Variants in TRAK1 observed in about 807,000 individuals in gnomAD.
The protein encoded by TRAK1 is trafficking kinesin-binding protein 1.
A neutral mutation model predicts 92.1 loss-of-function variants in TRAK1; 33 were observed. That is an observed-to-expected ratio of 0.36 (90% CI 0.27 to 0.48). The LOEUF is 0.48. Ranked by LOEUF, TRAK1 falls within the 20% of genes least tolerant of loss-of-function variation. The pLI is 0.99. For synonymous variants in TRAK1, 521 were observed against 517.3 expected, an observed-to-expected ratio of 1.01 and a Z score of -0.10; for missense variants, 1,123 against 1,257.9, an observed-to-expected ratio of 0.89 and a Z score of 1.62.
intron 1 of TRAK1, among the ~76,000 whole-genome samples, chr3:42,120,564 G>A (rs534511361): frequency 2.0e-5 from 3 of 151,786 alleles, no homozygotes; most frequent in Non-Finnish European, 4.4e-5. Flanking sequence ...TTTTGTTTGA[G>A]ATGGAGTCTC....
chr3:42,204,438 A>C (rs1708086268), intron 13 of TRAK1, among the ~76,000 whole-genome samples: 1 of 152,216 alleles, frequency 6.6e-6, no homozygotes, highest in Non-Finnish European at 1.5e-5. Flanking sequence ...TAGCAAGGTG[A>C]ATTTCATCTA....
chr3:42,142,813 T>A (rs1698836121), intron 2 of TRAK1, among the ~76,000 whole-genome samples: 1 of 152,236 alleles, frequency 6.6e-6, no homozygotes, highest in Non-Finnish European at 1.5e-5. Context: ...ACTCACCTTG[T>A]CTCTTCTAAC....
chr3:42,145,022 A>C (rs988439151), intron 2 of TRAK1, among the ~76,000 whole-genome samples: 1 of 152,236 alleles, frequency 6.6e-6, no homozygotes, highest in South Asian at 2.1e-4. Context: ...TTATACAAGT[A>C]ATACATGCGG....
intron 1 of TRAK1, among the ~76,000 whole-genome samples, chr3:42,080,515 A>G (rs563267256): frequency 2.6e-5 from 4 of 152,336 alleles, no homozygotes; most frequent in Admixed American, 6.5e-5. Flanking sequence ...GGGCCATGCC[A>G]TCCACTCTCA....
intron 2 of TRAK1, among the ~76,000 whole-genome samples, chr3:42,138,395 C>A (rs1698219864): frequency 6.6e-6 from 1 of 152,036 alleles, no homozygotes; most frequent in African/African-American, 2.4e-5. Flanking sequence ...TGAATAGGTG[C>A]CTAATGAATG....
chr3:42,200,217 A>T (rs546548322), intron 11 of TRAK1, among the ~76,000 whole-genome samples: 2 of 152,248 alleles, frequency 1.3e-5, no homozygotes, highest in East Asian at 3.8e-4. Flanking sequence ...GGAAGTGGCC[A>T]TTGTAAAAAC....
chr3:42,023,157 CAA>C (rs371646962), intron 1 of TRAK1, among the ~76,000 whole-genome samples: 2 of 111,758 alleles, frequency 1.8e-5, no homozygotes, highest in Non-Finnish European at 1.7e-5. Flanking sequence ...GACTGCATCT[CAA>C]AAAAAAAAAA....
chr3:42,149,597 A>G lies in TRAK1; in HGVS notation c.286+23983A>G, dbSNP rs968384260. 4 of 1,535,902 alleles carry G rather than the reference A, an allele frequency of 2.6e-6. No individual in the cohort carries two copies. The African/African-American group carries it at 5.5e-5, about 21-fold the overall frequency. On this transcript the variant is annotated intron_variant, in intron 2 of 15. Coordinates refer to ENST00000327628, the MANE Select transcript of TRAK1 (RefSeq NM_001042646.3). ...GACTGGTATTATGAAGAATGCTCGGATGGTAATTATGGCCCCTGCAAAACA... is the reference window on the plus strand; with the variant it reads ...GACTGGTATTATGAAGAATGCTCGGGTGGTAATTATGGCCCCTGCAAAACA...
intron 2 of TRAK1, among the ~76,000 whole-genome samples, chr3:42,164,698 T>G (rs1474362287): frequency 6.6e-6 from 1 of 152,162 alleles, no homozygotes. Flanking sequence ...AGAGGAAATA[T>G]CCAGGCCCTG....
intron 1 of TRAK1, among the ~76,000 whole-genome samples, chr3:42,022,737 A>AAAAAAC (rs1553700069): frequency 1.3e-5 from 2 of 150,444 alleles, no homozygotes; most frequent in African/African-American, 4.9e-5. Context: ...AAAAAAAACA[A>AAAAAAC]AAACAAAAAA....
chr3:42,166,389 G>C (rs558050681), intron 2 of TRAK1, among the ~76,000 whole-genome samples: 1 of 152,092 alleles, frequency 6.6e-6, no homozygotes, highest in Non-Finnish European at 1.5e-5. Flanking sequence ...TAAATGTCTT[G>C]GTGATAAATG....
chr3:42,064,380 A>T (rs1044700916), intron 1 of TRAK1, among the ~76,000 whole-genome samples: 1 of 151,604 alleles, frequency 6.6e-6, no homozygotes, highest in Non-Finnish European at 1.5e-5. Flanking sequence ...TAAAAAAAAA[A>T]ACCTTTAAAA....
intron 2 of TRAK1, chr3:42,160,106 TGC>T: frequency 1.2e-6 from 1 of 838,982 alleles, no homozygotes; most frequent in Non-Finnish European, 1.5e-6. Context: ...CCCCGCCAAG[TGC>T]TCCACCCCAC....
Position 42,125,428 on chromosome 3 carries a change from A to T in TRAK1, c.100A>T (p.Asn34Tyr). ...LIRTNACDVC[N>Y]STDLPEVEII... ...GGTTGTCTTGTCTTTAGATGTGTGC[A>T]ACAGCACCGATCTTCCGGAAGTCGA... is the stretch of plus-strand genomic sequence containing the variant. The change falls in exon 2 of 16, where the codon AAC becomes TAC. Residue 34 changes from asparagine (N) to tyrosine (Y), a missense_variant. Coordinates refer to ENST00000327628, the MANE Select transcript of TRAK1 (RefSeq NM_001042646.3). 2 of 1,614,120 alleles carry T rather than the reference A, an allele frequency of 1.2e-6. No individual in the cohort carries two copies. The highest frequency in any genetic ancestry group is 1.7e-6 in the Non-Finnish European group (2 of 1,180,010).
chr3:42,137,644 A>G (rs993926920), intron 2 of TRAK1, among the ~76,000 whole-genome samples: 1 of 152,234 alleles, frequency 6.6e-6, no homozygotes, highest in Non-Finnish European at 1.5e-5. Context: ...GCAGTAACGT[A>G]TGCTATTTGT....
intron 1 of TRAK1, among the ~76,000 whole-genome samples, chr3:42,036,545 C>A (rs1356216539): frequency 1.3e-5 from 2 of 152,300 alleles, no homozygotes; most frequent in East Asian, 1.9e-4. Context: ...TTTCCCCACA[C>A]ATTTGTGAAC....
At chr3:42,107,535 A>G (rs1280102942) in intron 1 of TRAK1, among the ~76,000 whole-genome samples, 2 of 151,972 alleles carry the variant, frequency 1.3e-5, no homozygotes, top group Non-Finnish European at 2.9e-5. Flanking sequence ...AAAAAAAGAA[A>G]TTAATTATTT....
chr3:42,018,087 CAAA>C (rs397989329), intron 1 of TRAK1, among the ~76,000 whole-genome samples: 2 of 114,300 alleles, frequency 1.7e-5, no homozygotes, highest in African/African-American at 7.0e-5. Flanking sequence ...CTCATTGTTA[CAAA>C]AAAAAAAAAA....
intron 11 of TRAK1, among the ~76,000 whole-genome samples, chr3:42,199,865 T>C (rs1305990242): frequency 1.3e-5 from 2 of 152,242 alleles, no homozygotes; most frequent in Non-Finnish European, 2.9e-5. Flanking sequence ...ACACAAGCTT[T>C]GTCTTGATAT....
Sources: allele counts gnomAD v4.1 joint callset (sites outside exome capture counted in the v4.1 genomes callset), GRCh38; gene constraint gnomAD v4.1.1; transcripts MANE v1.5; gene names NCBI Gene and HGNC (gene_info 2026-07-23, HGNC 2026-07-21).